APBB2: variants seen among roughly 807,000 people sequenced by gnomAD.
APBB2 encodes the protein Fe65-like 1.
In APBB2, 38 loss-of-function variants were observed where a neutral mutation model predicts 82.5. The observed-to-expected ratio is 0.46, with a 90% confidence interval of 0.36 to 0.60. The LOEUF (loss-of-function observed/expected upper bound fraction) is 0.60. APBB2 is among the 20% of genes least tolerant of loss of function. The pLI, the probability that APBB2 is intolerant of heterozygous loss-of-function variation, is 0.00. For missense variants in APBB2, 772 were observed against 972.3 expected, an observed-to-expected ratio of 0.79 and a Z score of 2.74; for synonymous variants, 341 against 368.2, an observed-to-expected ratio of 0.93 and a Z score of 0.85.
chr4:40,877,075 A>G (rs1220435058), intron 12 of APBB2, among the ~76,000 whole-genome samples: 1 of 152,264 alleles, frequency 6.6e-6, no homozygotes, highest in Non-Finnish European at 1.5e-5. Flanking sequence ...TGGCAGAGCC[A>G]TTAACCACAG....
intron 10 of APBB2, among the ~76,000 whole-genome samples, chr4:40,914,901 A>G (rs78325124): frequency 6.6e-6 from 1 of 152,322 alleles, no homozygotes; most frequent in African/African-American, 2.4e-5. Context: ...ACTAGAAACC[A>G]TGAGTCCCTG....
intron 2 of APBB2, among the ~76,000 whole-genome samples, chr4:41,109,143 T>C (rs1457971911): frequency 1.3e-5 from 2 of 152,134 alleles, no homozygotes; most frequent in African/African-American, 2.4e-5. Context: ...GTTCTCGCTG[T>C]AATCCCGACA....
At chr4:41,124,196 T>G (rs932796756) in intron 2 of APBB2, among the ~76,000 whole-genome samples, 1 of 152,248 alleles carries the variant, frequency 6.6e-6, no homozygotes, top group African/African-American at 2.4e-5. Flanking sequence ...ACTTTTGACT[T>G]TTCTTCAAGC....
chr4:40,864,682 C>G (rs1271585226), intron 12 of APBB2, among the ~76,000 whole-genome samples: 1 of 152,066 alleles, frequency 6.6e-6, no homozygotes, highest in Non-Finnish European at 1.5e-5. Flanking sequence ...CCAAAGACTG[C>G]GGGCCATTCC....
intron 6 of APBB2, among the ~76,000 whole-genome samples, chr4:40,948,001 C>T (rs1047215810): frequency 2.0e-5 from 3 of 152,144 alleles, no homozygotes; most frequent in Non-Finnish European, 2.9e-5. Flanking sequence ...CAGTTCTATG[C>T]GATTTCACAG....
At chr4:40,979,303 G>T (rs1018302739) in intron 6 of APBB2, among the ~76,000 whole-genome samples, 89 of 152,280 alleles carry the variant, frequency 5.8e-4, no homozygotes, top group African/African-American at 2.1e-3. Context: ...ACACATAAAA[G>T]AATTCTAAGA....
intron 12 of APBB2, among the ~76,000 whole-genome samples, chr4:40,835,417 T>C (rs2154306536): frequency 6.6e-6 from 1 of 152,332 alleles, no homozygotes; most frequent in South Asian, 2.1e-4. Flanking sequence ...GCAATGAGGT[T>C]TGAGCTGCTT....
intron 12 of APBB2, among the ~76,000 whole-genome samples, chr4:40,844,631 G>C (rs549546827): frequency 6.6e-6 from 1 of 152,114 alleles, no homozygotes; most frequent in African/African-American, 2.4e-5. Flanking sequence ...TGTGCTACTC[G>C]GTTCCACCTA....
At chr4:41,034,530 GAC>G (rs1210641396) in intron 4 of APBB2, among the ~76,000 whole-genome samples, 1 of 152,190 alleles carries the variant, frequency 6.6e-6, no homozygotes, top group Non-Finnish European at 1.5e-5. Context: ...TCACCATGTT[GAC>G]CAGGTTGGTC....
intron 5 of APBB2, among the ~76,000 whole-genome samples, chr4:41,020,271 T>A (rs1811129089): frequency 6.6e-6 from 1 of 152,168 alleles, no homozygotes; most frequent in Non-Finnish European, 1.5e-5. Flanking sequence ...CCCTGCAGGT[T>A]TCCTAACAGG....
At chr4:40,886,707 T>C (rs550759297) in intron 12 of APBB2, among the ~76,000 whole-genome samples, 1 of 152,184 alleles carries the variant, frequency 6.6e-6, no homozygotes, top group African/African-American at 2.4e-5. Flanking sequence ...CATTCGGTCA[T>C]TGGCCTCAGT....
chr4:40,896,623 T>C (rs1773733534), intron 10 of APBB2, among the ~76,000 whole-genome samples: 1 of 152,208 alleles, frequency 6.6e-6, no homozygotes, highest in Non-Finnish European at 1.5e-5. Context: ...GTCATGTAAC[T>C]CTTAACTGAA....
chr4:41,005,394 A>AG (rs1219367989), intron 6 of APBB2, among the ~76,000 whole-genome samples: 4 of 148,016 alleles, frequency 2.7e-5, no homozygotes, highest in Non-Finnish European at 6.1e-5. Context: ...GGCCAACTTA[A>AG]GGGTTTTTTT....
chr4:40,939,052 T>G (rs1786137587), intron 7 of APBB2, among the ~76,000 whole-genome samples: 1 of 152,152 alleles, frequency 6.6e-6, no homozygotes, highest in South Asian at 2.1e-4. Context: ...CTGCACCCAC[T>G]CAGGGCTCTG....
chr4:40,884,104 G>A (rs1769513509), intron 12 of APBB2, among the ~76,000 whole-genome samples: 1 of 152,102 alleles, frequency 6.6e-6, no homozygotes, highest in African/African-American at 2.4e-5. Flanking sequence ...TGCCAACCCC[G>A]GGACATTTAG....
chr4:41,045,417 C>T (rs1723047149), intron 4 of APBB2, among the ~76,000 whole-genome samples: 2 of 152,122 alleles, frequency 1.3e-5, no homozygotes, highest in African/African-American at 4.8e-5. Flanking sequence ...ACTCAGCCTA[C>T]CAAGTAGCTG....
intron 7 of APBB2, among the ~76,000 whole-genome samples, chr4:40,943,713 A>T (rs958184635): frequency 6.6e-6 from 1 of 152,258 alleles, no homozygotes; most frequent in African/African-American, 2.4e-5. Context: ...CTGCCCAGTG[A>T]TAAGCAACAA....
intron 6 of APBB2, among the ~76,000 whole-genome samples, chr4:40,961,507 G>C (rs1223570548): frequency 1.1e-5 from 1 of 92,510 alleles, no homozygotes; most frequent in Non-Finnish European, 2.0e-5. Context: ...GGTGGGGGGA[G>C]GGGGGAGGGA....
intron 1 of APBB2, among the ~76,000 whole-genome samples, chr4:41,213,430 G>GT (rs1779821713): frequency 6.6e-6 from 1 of 152,142 alleles, no homozygotes; most frequent in South Asian, 2.1e-4. Context: ...AAAAACGTCT[G>GT]TGACAGTCGT....
Sources: gnomAD v4.1 joint callset for allele counts (sites outside exome capture counted in the v4.1 genomes callset) on GRCh38, gnomAD v4.1.1 for gene constraint, MANE v1.5 for transcripts, NCBI Gene and HGNC (gene_info 2026-07-23, HGNC 2026-07-21) for gene names.